The following IL1RN variants were observed in gnomAD, a reference collection of about 807,000 sequenced individuals.
IL1RN encodes the protein interleukin 1 receptor antagonist, also known as interleukin-1 receptor antagonist protein.
A neutral mutation model predicts 13.7 loss-of-function variants in IL1RN; 10 were observed. That is an observed-to-expected ratio of 0.73 (90% CI 0.45 to 1.24). The LOEUF (loss-of-function observed/expected upper bound fraction) is 1.24, where lower values mean the gene tolerates loss of function less well. IL1RN is among the 50% of genes most tolerant of loss of function. The pLI, the probability that IL1RN is intolerant of heterozygous loss-of-function variation, is 0.00. For missense variants in IL1RN, 213 were observed against 222.1 expected (o/e 0.96, Z 0.26); for synonymous variants, 102 against 82.7 (o/e 1.23, Z -1.27).
upstream of IL1RN, among the ~76,000 whole-genome samples, chr2:113,109,299 C>A (rs1686449830): frequency 6.6e-6 from 1 of 151,688 alleles, no homozygotes; most frequent in Non-Finnish European, 1.5e-5. Flanking sequence ...GTAATCCCAG[C>A]TACTCTGGAG....
At chr2:113,116,651 A>G (rs2104430846), upstream of IL1RN, among the ~76,000 whole-genome samples, 1 of 152,256 alleles carries the variant, frequency 6.6e-6, no homozygotes, top group East Asian at 1.9e-4. Flanking sequence ...GAAGTTTATG[A>G]ATTATGAGCC....
At chr2:113,101,384 T>C in the IL1RN span, among the ~76,000 whole-genome samples, 2 of 152,216 alleles carry the variant, frequency 1.3e-5, no homozygotes, top group African/African-American at 4.8e-5. Flanking sequence ...CATTCAATGA[T>C]ATTTTAATAT....
upstream of IL1RN, among the ~76,000 whole-genome samples, chr2:113,124,015 T>G (rs1351071763): frequency 6.6e-6 from 1 of 152,202 alleles, no homozygotes; most frequent in Non-Finnish European, 1.5e-5. Flanking sequence ...GTGTCCCTCC[T>G]AAGACATGGA....
upstream of IL1RN, among the ~76,000 whole-genome samples, chr2:113,107,681 T>A (rs1303415823): frequency 1.3e-5 from 2 of 152,072 alleles, no homozygotes; most frequent in Non-Finnish European, 2.9e-5. Context: ...TGCAGTGAGC[T>A]GAGATCATGC....
the IL1RN span, among the ~76,000 whole-genome samples, chr2:113,101,917 G>A: frequency 1.6e-3 from 238 of 152,174 alleles, 2 homozygotes; most frequent in South Asian, 3.1e-3. Flanking sequence ...ACAGGTGTGC[G>A]TTATCACACC....
At chr2:113,120,255 C>A (rs45597637) in intron 2 of IL1RN, 2 of 785,118 alleles carry the variant, frequency 2.5e-6, no homozygotes, top group Admixed American at 3.6e-5. Context: ...AGAATGAAAA[C>A]GATTGATTAC....
upstream of IL1RN, among the ~76,000 whole-genome samples, chr2:113,105,642 G>A (rs1320057020): frequency 6.6e-6 from 1 of 152,134 alleles, no homozygotes; most frequent in Non-Finnish European, 1.5e-5. Context: ...TGATCCCCCA[G>A]TTGGGTGAGA....
In IL1RN at chr2:113,132,636, G is replaced by T. The variant is rs776631336; in HGVS notation, c.319-20G>T. On this transcript the variant is annotated intron_variant, in intron 3 of 3. Transcript: ENST00000409930. ...ACTTCCTAGGCCTCAGCTCTCACCT[G>T]CCCATCTTTTGATTTCCAGGCAGTT... is the stretch of plus-strand genomic sequence containing the variant. 10 of 1,610,952 alleles carry T rather than the reference G, an allele frequency of 6.2e-6. No homozygotes were observed. Among genetic ancestry groups the T allele is most frequent in the Middle Eastern group, 1.6e-4 (1 of 6,078 alleles).
At chr2:113,099,927 G>A in the IL1RN span, among the ~76,000 whole-genome samples, 8 of 141,826 alleles carry the variant, frequency 5.6e-5, no homozygotes, top group East Asian at 8.4e-4. Context: ...GTAGAGACGG[G>A]GTTTCACCGT....
At chr2:113,115,508 G>A (rs551014928), upstream of IL1RN, 1 of 152,284 alleles carries the variant, frequency 6.6e-6, no homozygotes, top group East Asian at 1.9e-4. Context: ...GCCACAGGCT[G>A]GCAGGTTAGT....
At chr2:113,112,047 T>C (rs1430744805) in intron 1 of IL1RN, among the ~76,000 whole-genome samples, 1 of 152,224 alleles carries the variant, frequency 6.6e-6, no homozygotes, top group Non-Finnish European at 1.5e-5. Context: ...TTGCAATCCT[T>C]TGTAAGAGAC....
rs1687216601 is a variant in IL1RN, at chr2:113,132,725, A to G, written c.388A>G (p.Ser130Gly). ...GCGCTTCGCCTTCATCCGCTCAGAC[A>G]GTGGCCCCACCACCAGTTTTGAGTC... Reference protein sequence around the residue: ...DKRFAFIRSDSGPTTSFESAA... With the variant: ...DKRFAFIRSDGGPTTSFESAA... Residue 130 changes from serine to glycine, a missense_variant, in exon 4 of 4, where the codon AGT (serine) becomes GGT (glycine). By Grantham distance (56) the Ser-to-Gly change is moderately conservative (BLOSUM62 0). Transcript: ENST00000409930. 5 of 1,614,130 alleles carry G rather than the reference A, an allele frequency of 3.1e-6. No homozygotes were observed. The South Asian group carries it at 4.4e-5, about 14-fold the overall frequency.
upstream of IL1RN, among the ~76,000 whole-genome samples, chr2:113,103,436 T>C (rs1027903216): frequency 2.6e-5 from 4 of 152,130 alleles, no homozygotes; most frequent in Admixed American, 2.0e-4. Context: ...ACACAGGAGA[T>C]TGAATTGCAA....
chr2:113,102,431 G>A (rs1686328275), upstream of IL1RN, among the ~76,000 whole-genome samples: 1 of 152,198 alleles, frequency 6.6e-6, no homozygotes, highest in South Asian at 2.1e-4. Flanking sequence ...GGATTGTGGA[G>A]GGATTCAGTT....
upstream of IL1RN, among the ~76,000 whole-genome samples, chr2:113,116,021 A>C (rs562449311): frequency 1.0e-3 from 153 of 152,326 alleles, 2 homozygotes; most frequent in South Asian, 0.014. Flanking sequence ...AATGCCAACC[A>C]CATGCCAAGC....
chr2:113,121,397 T>C, intron 2 of IL1RN: 13 of 924,518 alleles, frequency 1.4e-5, no homozygotes, highest in Non-Finnish European at 1.7e-5. Flanking sequence ...AGCAACACAG[T>C]TGTCCCCTTC....
chr2:113,117,936 G>C, exon 1 of IL1RN: 3 of 853,526 alleles, frequency 3.5e-6, no homozygotes, highest in Non-Finnish European at 6.2e-6. Context: ...GGTACTGCCC[G>C]GGTGCTACTT....
intron 3 of IL1RN, 80 bp from the exon 4 acceptor site, chr2:113,132,576 T>G: frequency 7.5e-7 from 1 of 1,333,356 alleles, no homozygotes. Context: ...AGAGGGCCAT[T>G]TCATGGCGTG....
At chr2:113,123,313 A>C (rs1227610715), upstream of IL1RN, among the ~76,000 whole-genome samples, 2 of 152,218 alleles carry the variant, frequency 1.3e-5, no homozygotes, top group East Asian at 3.9e-4. Context: ...GGTGGAGCCC[A>C]GCACTGGTGC....
Sources: gnomAD v4.1 joint callset for allele counts (sites outside exome capture counted in the v4.1 genomes callset) on GRCh38, gnomAD v4.1.1 for gene constraint, MANE v1.5 for transcripts, NCBI Gene and HGNC (gene_info 2026-07-23, HGNC 2026-07-21) for gene names.